Variants in CCDC30 observed in about 807,000 individuals in gnomAD.
The protein encoded by CCDC30 is coiled-coil domain containing 30.
CCDC30 carries 70 observed loss-of-function variants against 100.2 expected under a neutral mutation model. The observed-to-expected ratio is 0.70, with a 90% CI of 0.58 to 0.85. CCDC30 has a LOEUF of 0.85. Ranked by LOEUF, CCDC30 falls within the 40% of genes least tolerant of loss-of-function variation. CCDC30 has a pLI of 0.00. For missense variants in CCDC30, 652 were observed against 771.2 expected (o/e 0.85, Z 1.83); for synonymous variants, 233 against 269.5 (o/e 0.86, Z 1.33).
intron 13 of CCDC30, 84 bp downstream of exon 17, chr1:42,642,693 CTTT>C: frequency 8.6e-6 from 11 of 1,285,270 alleles, no homozygotes; most frequent in Non-Finnish European, 1.0e-5. Flanking sequence ...AGAGACTGTC[CTTT>C]GAGTTTGTAG....
intron 1 of CCDC30, among the ~76,000 whole-genome samples, chr1:42,477,322 C>T (rs547259561): frequency 9.3e-5 from 14 of 151,340 alleles, no homozygotes; most frequent in African/African-American, 3.4e-4. Flanking sequence ...CTCTGCCTCC[C>T]GGCTTCAAGG....
At chr1:42,582,306 G>C (rs1645984423) in intron 9 of CCDC30, among the ~76,000 whole-genome samples, 1 of 152,170 alleles carries the variant, frequency 6.6e-6, no homozygotes, top group South Asian at 2.1e-4. Flanking sequence ...ACACCATTTA[G>C]TCCATCCCTA....
chr1:42,610,068 A>G (rs985868913), intron 10 of CCDC30, among the ~76,000 whole-genome samples: 7 of 152,234 alleles, frequency 4.6e-5, no homozygotes, highest in African/African-American at 1.7e-4. Flanking sequence ...CCCAAGTTGG[A>G]CATTTTCTTC....
At chr1:42,609,427 G>A (rs999931461) in intron 10 of CCDC30, among the ~76,000 whole-genome samples, 2 of 152,134 alleles carry the variant, frequency 1.3e-5, no homozygotes, top group East Asian at 1.9e-4. Context: ...TTGGTGGGGA[G>A]TCAAAAAAAT....
chr1:42,515,101 G>C (rs1451368647), intron 6 of CCDC30, among the ~76,000 whole-genome samples: 1 of 151,680 alleles, frequency 6.6e-6, no homozygotes, highest in Non-Finnish European at 1.5e-5. Flanking sequence ...AATCCAATAT[G>C]ACTGGTACAA....
chr1:42,610,137 A>G lies in CCDC30; in HGVS notation c.1165-841A>G, dbSNP rs557915795. ...CACCTCACAATCCTTGTAGTCCTCAATTCCATTATAACATTTTTTATACCA... is the reference window on the plus strand; with the variant it reads ...CACCTCACAATCCTTGTAGTCCTCAGTTCCATTATAACATTTTTTATACCA... On this transcript the variant is annotated intron_variant, in intron 10 of 16. Coordinates refer to ENST00000668663, the Ensembl canonical transcript of CCDC30. Among the ~76,000 whole-genome samples the G allele has an allele frequency of 2.0e-5, 3 of 152,340 alleles. No individual in the cohort carries two copies. In the East Asian group the frequency reaches 5.8e-4, roughly 29 times the overall value.
intron 9 of CCDC30, among the ~76,000 whole-genome samples, chr1:42,584,773 T>C (rs1485221673): frequency 6.6e-6 from 1 of 152,206 alleles, no homozygotes; most frequent in Non-Finnish European, 1.5e-5. Context: ...AAAGGTAAGC[T>C]AGACCTAGGT....
At chr1:42,583,982 C>T (rs1646018770) in intron 9 of CCDC30, among the ~76,000 whole-genome samples, 1 of 152,124 alleles carries the variant, frequency 6.6e-6, no homozygotes, top group African/African-American at 2.4e-5. Flanking sequence ...AGACATCTGG[C>T]CCAGGAGATG....
intron 12 of CCDC30, among the ~76,000 whole-genome samples, chr1:42,637,975 C>T (rs1286903891): frequency 6.6e-6 from 1 of 152,120 alleles, no homozygotes; most frequent in Non-Finnish European, 1.5e-5. Flanking sequence ...GTCACTAGCC[C>T]TTTCAGAATA....
Position 42,610,969 on chromosome 1 carries a change from G to A in CCDC30, c.1165-9G>A. On this transcript the variant is annotated splice_polypyrimidine_tract_variant and intron_variant, in intron 10 of 16. Transcript: ENST00000668663. Reference sequence around the variant, plus strand: ...GTCAGAGTTCTCATTATTTTTCAATGTTTTTCAGCATGTCAAAAGCAACCA... The same window carrying A: ...GTCAGAGTTCTCATTATTTTTCAATATTTTTCAGCATGTCAAAAGCAACCA... The A allele has an allele frequency of 1.4e-6, 2 of 1,469,972 alleles. No homozygotes were observed. The highest frequency in any genetic ancestry group is 2.8e-5 in the African/African-American group (2 of 70,494). The allele number at this position is 1,469,972 out of a possible 1,614,324, so 91.1% of individuals were successfully genotyped here.
intron 6 of CCDC30, among the ~76,000 whole-genome samples, chr1:42,507,073 T>C (rs1395412524): frequency 6.6e-6 from 1 of 152,164 alleles, no homozygotes; most frequent in African/African-American, 2.4e-5. Context: ...ATTACTGGTA[T>C]GTGCCACCAC....
chr1:42,502,197 G>T (rs1156525054), intron 6 of CCDC30, among the ~76,000 whole-genome samples: 1 of 152,112 alleles, frequency 6.6e-6, no homozygotes, highest in African/African-American at 2.4e-5. Flanking sequence ...CTTGCAGTTC[G>T]ATCTCAGACT....
chr1:42,655,339 C>T (rs368044750), downstream of CCDC30, among the ~76,000 whole-genome samples: 4 of 151,974 alleles, frequency 2.6e-5, no homozygotes, highest in South Asian at 2.1e-4. Flanking sequence ...GTCAGGAGTT[C>T]GAGACCAGCT....
the CCDC30 span, chr1:42,457,086 GGA>G: frequency 1.3e-6 from 2 of 1,583,950 alleles, no homozygotes; most frequent in African/African-American, 1.3e-5. Flanking sequence ...GCGTGCCCTA[GGA>G]GTACCCCTTT....
the CCDC30 span, chr1:42,456,872 T>A: frequency 6.2e-7 from 1 of 1,613,336 alleles, no homozygotes; most frequent in Non-Finnish European, 8.5e-7. Context: ...GACTTGGCTG[T>A]CCGCTCTGCG....
At chr1:42,648,364 G>A (rs558889634) in intron 15 of CCDC30, among the ~76,000 whole-genome samples, 42 of 152,204 alleles carry the variant, frequency 2.8e-4, no homozygotes, top group Admixed American at 1.6e-3. Context: ...TTGATACAAG[G>A]AAAGAAATAA....
At chr1:42,456,549 C>G in the CCDC30 span, 9 of 1,452,016 alleles carry the variant, frequency 6.2e-6, no homozygotes, top group South Asian at 1.4e-5. Context: ...GCGCAGGCGC[C>G]GGCCGCTGCG....
At chr1:42,497,144 T>A in exon 5 of CCDC30, 15 of 1,234,212 alleles carry the variant, frequency 1.2e-5, no homozygotes, top group Non-Finnish European at 1.5e-5. Flanking sequence ...AGAGACTGGA[T>A]GAGGAAATTC....
At chr1:42,536,780 A>T in intron 6 of CCDC30, 179 bp downstream of exon 7, 1 of 534,036 alleles carries the variant, frequency 1.9e-6, no homozygotes, top group Non-Finnish European at 3.3e-6. Flanking sequence ...GAGGAGGGGA[A>T]GTCCAAGATC....
Sources: gnomAD v4.1 joint callset for allele counts (sites outside exome capture counted in the v4.1 genomes callset) on GRCh38, gnomAD v4.1.1 for gene constraint, MANE v1.5 for transcripts, NCBI Gene and HGNC (gene_info 2026-07-23, HGNC 2026-07-21) for gene names.